ANKS1B: variants seen among roughly 807,000 people sequenced by gnomAD.
The protein encoded by ANKS1B is ankyrin repeat and sterile alpha motif domain-containing protein 1B.
Under a neutral mutation model 148.3 loss-of-function variants are expected in ANKS1B, and 36 were observed. The ratio of observed to expected loss-of-function variants is 0.24; its 90% confidence interval spans 0.19 to 0.32. The LOEUF (loss-of-function observed/expected upper bound fraction) is 0.32, where lower values mean the gene tolerates loss of function less well. Among genes scored for constraint, ANKS1B ranks in the 10% least tolerant of loss-of-function variants. The probability of loss-of-function intolerance (pLI) is 1.00; values close to 1 mark genes in which losing one functional copy is unlikely to be tolerated. For missense variants in ANKS1B, 1,157 were observed against 1,542.6 expected (o/e 0.75, Z 4.19); for synonymous variants, 542 against 560.8 (o/e 0.97, Z 0.47).
intron 11 of ANKS1B, among the ~76,000 whole-genome samples, chr12:99,404,580 G>T (rs2094489205): frequency 2.1e-5 from 3 of 145,182 alleles, no homozygotes; most frequent in Non-Finnish European, 4.6e-5. Context: ...TTCAAAACAG[G>T]CTATTTGTAA....
intron 2 of ANKS1B, 93 bp from the exon 3 acceptor site, chr12:99,812,404 G>T: frequency 7.5e-7 from 1 of 1,331,146 alleles, no homozygotes. Flanking sequence ...TGCTGGGTGG[G>T]AATTTAGAGT....
chr12:99,913,881 C>T (rs781168029), intron 1 of ANKS1B, among the ~76,000 whole-genome samples: 11 of 151,930 alleles, frequency 7.2e-5, no homozygotes, highest in Non-Finnish European at 1.3e-4. Flanking sequence ...CCAATACAAA[C>T]AATAGGCAAA....
chr12:99,280,870 GTC>G (rs543317899), intron 12 of ANKS1B, among the ~76,000 whole-genome samples: 13 of 145,268 alleles, frequency 8.9e-5, no homozygotes, highest in South Asian at 2.2e-4. Flanking sequence ...CTCTCTGTCT[GTC>G]TCTCTCTCTC....
intron 12 of ANKS1B, among the ~76,000 whole-genome samples, chr12:99,307,101 C>T (rs1293573520): frequency 6.6e-6 from 1 of 152,022 alleles, no homozygotes; most frequent in Non-Finnish European, 1.5e-5. Context: ...TTTTTCCTTC[C>T]AGGATCAACT....
chr12:99,573,349 T>C (rs1009046922), intron 9 of ANKS1B, among the ~76,000 whole-genome samples: 3 of 152,134 alleles, frequency 2.0e-5, no homozygotes, highest in Admixed American at 6.6e-5. Context: ...TATCTAGACA[T>C]ACATTGACAT....
rs1314140983 is a variant in ANKS1B, at chr12:98,966,053, C to G, written c.2778+87104G>C. On this transcript the variant is annotated intron_variant, in intron 17 of 26. Coordinates refer to ENST00000683438, the MANE Select transcript of ANKS1B (RefSeq NM_001352186.2). The stretch of plus-strand genomic sequence containing the variant: ...AAAAGCCAAAATTGACAAATAGGAT[C>G]TAATTAGACTAAAGAGCTTCTGCAT... Among the ~76,000 whole-genome samples, 3 of 152,182 alleles carry G rather than the reference C, an allele frequency of 2.0e-5. No individual in the cohort carries two copies. The East Asian group carries it at 5.8e-4, about 29-fold the overall frequency.
At chr12:99,681,808 G>C (rs896167587) in intron 8 of ANKS1B, among the ~76,000 whole-genome samples, 1 of 152,124 alleles carries the variant, frequency 6.6e-6, no homozygotes, top group African/African-American at 2.4e-5. Flanking sequence ...GATCACATTA[G>C]CTCATCAGCA....
chr12:99,306,064 C>T (rs1446988285), intron 12 of ANKS1B, among the ~76,000 whole-genome samples: 2 of 151,904 alleles, frequency 1.3e-5, no homozygotes, highest in Non-Finnish European at 2.9e-5. Context: ...GTTTTCTGGA[C>T]CTATAATTTA....
At chr12:99,959,702 A>C (rs1292389933) in intron 1 of ANKS1B, among the ~76,000 whole-genome samples, 3 of 152,212 alleles carry the variant, frequency 2.0e-5, no homozygotes, top group Admixed American at 1.3e-4. Context: ...TCATCTTCTG[A>C]ATAAACAAGT....
chr12:99,914,688 G>T (rs541127140), intron 1 of ANKS1B, among the ~76,000 whole-genome samples: 1 of 152,132 alleles, frequency 6.6e-6, no homozygotes, highest in Admixed American at 6.5e-5. Flanking sequence ...GATAGGGAAA[G>T]GGGGAGGGTG....
chr12:98,848,272 A>T (rs1301028547), intron 17 of ANKS1B, among the ~76,000 whole-genome samples: 2 of 152,232 alleles, frequency 1.3e-5, no homozygotes, highest in Non-Finnish European at 2.9e-5. Flanking sequence ...ATTTCAAGAA[A>T]ATTGTCAAAT....
intron 9 of ANKS1B, among the ~76,000 whole-genome samples, chr12:99,621,824 C>A (rs1367218802): frequency 1.4e-5 from 2 of 147,730 alleles, no homozygotes; most frequent in Non-Finnish European, 3.0e-5. Flanking sequence ...ACTTCAATAT[C>A]CCACTGACAG....
In ANKS1B at chr12:99,333,854, G is replaced by GTTTTTTTTTTT. The variant is rs10526476; in HGVS notation, c.1756+65766_1756+65776dup. Among the ~76,000 whole-genome samples the GTTTTTTTTTTT allele has an allele frequency of 1.0e-4, 11 of 107,482 alleles. 1 individual carries two copies. The highest frequency in any genetic ancestry group is 2.0e-4 in the African/African-American group (5 of 25,090). 70.5% of individuals were successfully genotyped at this position (107,482 alleles called of 152,430 possible). ...ATCAAAGTCACATTTCCAGTTCTCA[G>GTTTTTTTTTTT]TTTTTTTTTTTTTTTTTTTTTAACA... On this transcript the variant is annotated intron_variant, in intron 12 of 26. Coordinates refer to ENST00000683438, the MANE Select transcript of ANKS1B (RefSeq NM_001352186.2).
chr12:99,737,586 G>A (rs115087856), intron 8 of ANKS1B, among the ~76,000 whole-genome samples: 38 of 152,068 alleles, frequency 2.5e-4, no homozygotes, highest in African/African-American at 8.9e-4. Flanking sequence ...ATTGCCTAGA[G>A]GATAAGGACA....
At chr12:99,589,262 C>A (rs142457917) in intron 9 of ANKS1B, among the ~76,000 whole-genome samples, 1 of 152,192 alleles carries the variant, frequency 6.6e-6, no homozygotes, top group Admixed American at 6.5e-5. Context: ...AAGGTCACCA[C>A]GTTACTACTT....
At chr12:99,205,644 C>A (rs1463281929) in intron 14 of ANKS1B, among the ~76,000 whole-genome samples, 1 of 152,168 alleles carries the variant, frequency 6.6e-6, no homozygotes, top group Non-Finnish European at 1.5e-5. Context: ...TGGAGCTTAT[C>A]AGCTTTCATT....
At position 99,731,572 on chromosome 12, in the gene ANKS1B, A is replaced by C. The variant is rs574670895; in HGVS notation, c.1128+41350T>G. Among the ~76,000 whole-genome samples the C allele has an allele frequency of 3.3e-5, 5 of 152,240 alleles. 1 individual carries two copies. The East Asian group carries it at 9.6e-4, about 29-fold the overall frequency. Reference sequence around the variant, plus strand: ...AAAAGTGGCAAGGTAATTCAATGAGAATACTAGAGTCTTTTTCAAAAAATG... The same window carrying C: ...AAAAGTGGCAAGGTAATTCAATGAGCATACTAGAGTCTTTTTCAAAAAATG... On this transcript the variant is annotated intron_variant, in intron 8 of 26. Coordinates refer to ENST00000683438, the MANE Select transcript of ANKS1B (RefSeq NM_001352186.2).
intron 4 of ANKS1B, among the ~76,000 whole-genome samples, chr12:99,787,128 T>C (rs1212171506): frequency 2.0e-5 from 3 of 152,186 alleles, no homozygotes. Flanking sequence ...TTTTTTTAAG[T>C]ACATAATTGA....
intron 12 of ANKS1B, among the ~76,000 whole-genome samples, chr12:99,305,920 G>A (rs1385817155): frequency 6.6e-6 from 1 of 152,108 alleles, no homozygotes; most frequent in East Asian, 1.9e-4. Flanking sequence ...ATGGTAAAAT[G>A]TCCTCCCTTG....
Sources: allele counts gnomAD v4.1 joint callset (sites outside exome capture counted in the v4.1 genomes callset), GRCh38; gene constraint gnomAD v4.1.1; transcripts MANE v1.5; gene names NCBI Gene and HGNC (gene_info 2026-07-23, HGNC 2026-07-21).